The following UGGT2 variants were observed in gnomAD, a reference collection of about 807,000 sequenced individuals.
The protein encoded by UGGT2 is UDP-glucose:glycoprotein glucosyltransferase 2.
UGGT2 carries 180 observed loss-of-function variants against 192.1 expected under a neutral mutation model. The ratio of observed to expected loss-of-function variants is 0.94; its 90% CI spans 0.83 to 1.06. The LOEUF is 1.06. UGGT2 is among the 50% of genes least tolerant of loss of function. The pLI is 0.00. For synonymous variants in UGGT2, 580 were observed against 591.0 expected (o/e 0.98, Z 0.27); for missense variants, 1,849 against 1,795.7 (o/e 1.03, Z -0.54).
intron 2 of UGGT2, among the ~76,000 whole-genome samples, chr13:96,024,103 A>T (rs2052596669): frequency 6.6e-6 from 1 of 152,240 alleles, no homozygotes; most frequent in South Asian, 2.1e-4. Context: ...AATTAAGAAC[A>T]GCAGAAAAGT....
At chr13:95,934,612 T>C (rs1469877613) in intron 17 of UGGT2, among the ~76,000 whole-genome samples, 2 of 152,218 alleles carry the variant, frequency 1.3e-5, no homozygotes, top group Non-Finnish European at 2.9e-5. Flanking sequence ...ATCTGTCTGC[T>C]GTCTTCCTCC....
intron 27 of UGGT2, among the ~76,000 whole-genome samples, chr13:95,881,853 T>C (rs2047503956): frequency 6.6e-6 from 1 of 151,950 alleles, no homozygotes; most frequent in Non-Finnish European, 1.5e-5. Flanking sequence ...GTTCTAACAA[T>C]AAGCACTGAG....
chr13:95,907,234 G>C (rs558530936), intron 20 of UGGT2, among the ~76,000 whole-genome samples: 1 of 152,232 alleles, frequency 6.6e-6, no homozygotes, highest in Non-Finnish European at 1.5e-5. Context: ...TGAGGCTTGA[G>C]TACGTAAACA....
chr13:96,014,893 C>T (rs1330030024), intron 4 of UGGT2, among the ~76,000 whole-genome samples: 1 of 152,112 alleles, frequency 6.6e-6, no homozygotes, highest in African/African-American at 2.4e-5. Context: ...AAATCAGTAT[C>T]ATAGAAGTAC....
At chr13:95,831,210 G>A (rs1160205641) in intron 38 of UGGT2, among the ~76,000 whole-genome samples, 1 of 151,926 alleles carries the variant, frequency 6.6e-6, no homozygotes, top group East Asian at 1.9e-4. Flanking sequence ...ACACCAACAT[G>A]GCACATGTAT....
chr13:95,822,650 T>C (rs529251358), intron 38 of UGGT2, among the ~76,000 whole-genome samples: 30 of 152,226 alleles, frequency 2.0e-4, no homozygotes, highest in African/African-American at 5.3e-4. Context: ...CAGTATTGTT[T>C]GTGATGTCTC....
chr13:95,940,567 C>T (rs1184824789), intron 15 of UGGT2, among the ~76,000 whole-genome samples: 1 of 151,554 alleles, frequency 6.6e-6, no homozygotes, highest in African/African-American at 2.4e-5. Flanking sequence ...ATCCTCCCAC[C>T]TAGCCCCCTG....
intron 12 of UGGT2, among the ~76,000 whole-genome samples, chr13:95,957,426 G>C (rs1268804117): frequency 6.6e-5 from 10 of 152,200 alleles, no homozygotes; most frequent in Admixed American, 6.5e-4. Context: ...TGGAATTCCT[G>C]GGGTTTGGGG....
chr13:96,018,411 G>A (rs1734394403), intron 4 of UGGT2, among the ~76,000 whole-genome samples: 1 of 152,114 alleles, frequency 6.6e-6, no homozygotes, highest in African/African-American at 2.4e-5. Flanking sequence ...ATCTACTCAG[G>A]AGGCTGAGGC....
intron 19 of UGGT2, 94 bp from the exon 20 acceptor site, chr13:95,925,868 T>A (rs1644601112): frequency 2.6e-6 from 2 of 758,992 alleles, no homozygotes; most frequent in South Asian, 3.4e-5. Flanking sequence ...TTAAAAAAAA[T>A]TAAAATAATA....
chr13:96,027,803 T>A (rs2052714349), intron 2 of UGGT2, among the ~76,000 whole-genome samples: 1 of 152,244 alleles, frequency 6.6e-6, no homozygotes. Flanking sequence ...TTGATTACTA[T>A]ACCAGTGAAA....
In UGGT2 at chr13:95,941,959, G is replaced by A. The variant is rs560967989; in HGVS notation, c.1678-1868C>T. Among the ~76,000 whole-genome samples the A allele has an allele frequency of 7.2e-5, 11 of 152,112 alleles. No individual in the cohort carries two copies. The East Asian group carries it at 1.7e-3, about 24-fold the overall frequency. ...GAATTCTAGAGTTTTATGCGAATAC[G>A]TATTCCCATACTTAGTTTTGTTTGC... On this transcript the variant is annotated intron_variant, in intron 15 of 38. Coordinates refer to ENST00000376747, the MANE Select transcript of UGGT2 (RefSeq NM_020121.4).
At chr13:95,824,816 G>A (rs778023276) in intron 38 of UGGT2, among the ~76,000 whole-genome samples, 8 of 152,144 alleles carry the variant, frequency 5.3e-5, no homozygotes, top group African/African-American at 9.7e-5. Context: ...TGGAGAGACC[G>A]TGTGATCTTT....
At chr13:95,886,139 A>T (rs572121981) in intron 26 of UGGT2, among the ~76,000 whole-genome samples, 1 of 152,344 alleles carries the variant, frequency 6.6e-6, no homozygotes, top group East Asian at 1.9e-4. Context: ...TAACTAAAAA[A>T]GAAGAAAGAT....
chr13:95,921,976 T>C (rs1043491196), intron 20 of UGGT2, among the ~76,000 whole-genome samples: 1 of 152,172 alleles, frequency 6.6e-6, no homozygotes, highest in African/African-American at 2.4e-5. Context: ...ACACCTGCAC[T>C]CATGTTTATC....
chr13:95,948,230 C>CACACAT, intron 13 of UGGT2, 149 bp from the exon 14 acceptor site: 1 of 450,462 alleles, frequency 2.2e-6, no homozygotes, highest in Non-Finnish European at 4.1e-6. Context: ...CACACACACA[C>CACACAT]ACACACACAC....
chr13:96,053,006 A>T, intron 1 of UGGT2, 149 bp downstream of exon 1: 1 of 1,108,366 alleles, frequency 9.0e-7, no homozygotes, highest in Non-Finnish European at 1.2e-6. Flanking sequence ...CGGGTCGGGA[A>T]GGAAGGAGGT....
rs150922579 is a variant in UGGT2, at chr13:95,816,947, C to T, written c.4529-15135G>A. On this transcript the variant is annotated intron_variant, in intron 38 of 38. Transcript: ENST00000376747. ...TTCAAGACCAGCCTGGCCAACATGG[C>T]GAAACCCCCTCTCTACTAAAAATAC... Among the ~76,000 whole-genome samples, 1,192 of 152,016 alleles carry T rather than the reference C, an allele frequency of 7.8e-3. 8 individuals carry two copies. The highest frequency in any genetic ancestry group is 0.027 in the African/African-American group (1,137 of 41,504).
At chr13:95,976,341 T>G (rs2140823910) in intron 10 of UGGT2, among the ~76,000 whole-genome samples, 1 of 152,316 alleles carries the variant, frequency 6.6e-6, no homozygotes, top group East Asian at 1.9e-4. Context: ...CTAGCTTGAA[T>G]CCATATTTTA....
Sources: gnomAD v4.1 joint callset for allele counts (sites outside exome capture counted in the v4.1 genomes callset) on GRCh38, gnomAD v4.1.1 for gene constraint, MANE v1.5 for transcripts, NCBI Gene and HGNC (gene_info 2026-07-23, HGNC 2026-07-21) for gene names.